Variants in NPAS3 observed in about 807,000 individuals in gnomAD.
NPAS3 encodes neuronal PAS domain protein 3.
Under a neutral mutation model 73.1 loss-of-function variants are expected in NPAS3, and 14 were observed. The ratio of observed to expected loss-of-function variants is 0.19; its 90% CI spans 0.13 to 0.30. The LOEUF (loss-of-function observed/expected upper bound fraction) is 0.30, where lower values mean the gene tolerates loss of function less well. NPAS3 is among the 10% of genes least tolerant of loss of function. NPAS3 has a pLI of 1.00. For synonymous variants in NPAS3, 620 were observed against 541.5 expected, an observed-to-expected ratio of 1.14 and a Z score of -2.01; for missense variants, 1,096 against 1,250.0, an observed-to-expected ratio of 0.88 and a Z score of 1.86.
At chr14:33,195,261 TTTTTG>T (rs1025082758) in intron 2 of NPAS3, among the ~76,000 whole-genome samples, 9 of 152,132 alleles carry the variant, frequency 5.9e-5, no homozygotes, top group Non-Finnish European at 1.0e-4. Flanking sequence ...AAAGGGTTTT[TTTTTG>T]TTTTGTTTTC....
intron 2 of NPAS3, among the ~76,000 whole-genome samples, chr14:33,177,793 T>C (rs2045647478): frequency 6.6e-6 from 1 of 152,246 alleles, no homozygotes; most frequent in Non-Finnish European, 1.5e-5. Flanking sequence ...GTACCCTTGT[T>C]GAAAATCAAT....
chr14:33,210,485 C>T (rs10141248), intron 2 of NPAS3, among the ~76,000 whole-genome samples: 31,968 of 152,090 alleles, frequency 0.21, 3,823 homozygotes, highest in South Asian at 0.38. Flanking sequence ...CACTTCTGGG[C>T]ACCACTTGTC....
chr14:33,225,618 T>A (rs2047601029), intron 3 of NPAS3, among the ~76,000 whole-genome samples: 1 of 152,230 alleles, frequency 6.6e-6, no homozygotes, highest in Non-Finnish European at 1.5e-5. Context: ...TAAAACTTTA[T>A]TTGTGGACAT....
intron 6 of NPAS3, among the ~76,000 whole-genome samples, chr14:33,705,215 C>T (rs2060624143): frequency 6.6e-6 from 1 of 152,144 alleles, no homozygotes; most frequent in Admixed American, 6.5e-5. Flanking sequence ...TTTCACCTAC[C>T]AGGAGGGAAA....
At chr14:33,107,802 A>G (rs1204145221) in intron 2 of NPAS3, among the ~76,000 whole-genome samples, 2 of 152,180 alleles carry the variant, frequency 1.3e-5, no homozygotes, top group African/African-American at 2.4e-5. Flanking sequence ...ATTCTCTTAT[A>G]TTGACACTTC....
At chr14:33,656,124 CTA>C (rs2059139280) in intron 5 of NPAS3, among the ~76,000 whole-genome samples, 1 of 152,136 alleles carries the variant, frequency 6.6e-6, no homozygotes, top group Non-Finnish European at 1.5e-5. Context: ...CTTTCCACAA[CTA>C]GACCTACTTG....
At position 33,521,277 on chromosome 14, in the gene NPAS3, T is replaced by C. The variant is rs59100934; in HGVS notation, c.469-38844T>C. On this transcript the variant is annotated intron_variant, in intron 4 of 11. Coordinates refer to ENST00000356141, the Ensembl canonical transcript of NPAS3. Reference sequence around the variant, plus strand: ...TTCCTTGAGGAGGTGTCAAGGGCAATACAGACAAAAGACTGATGTCTCCTT... The same window carrying C: ...TTCCTTGAGGAGGTGTCAAGGGCAACACAGACAAAAGACTGATGTCTCCTT... 6.3e-3 allele frequency among the ~76,000 whole-genome samples: 956 copies of C among 152,214 alleles called. 12 individuals carry two copies. Among genetic ancestry groups the C allele is most frequent in the African/African-American group, 0.022 (916 of 41,554 alleles).
At chr14:33,573,603 C>T (rs1167370392) in intron 5 of NPAS3, among the ~76,000 whole-genome samples, 1 of 152,078 alleles carries the variant, frequency 6.6e-6, no homozygotes, top group Non-Finnish European at 1.5e-5. Context: ...CAAAGGGAGG[C>T]ATGTATGCAA....
intron 1 of NPAS3, among the ~76,000 whole-genome samples, chr14:33,046,962 A>G (rs1223850642): frequency 6.6e-6 from 1 of 152,166 alleles, no homozygotes; most frequent in African/African-American, 2.4e-5. Flanking sequence ...TGACAGAGTG[A>G]GACTCCATCT....
At chr14:33,344,845 G>A (rs982125148) in intron 3 of NPAS3, among the ~76,000 whole-genome samples, 2 of 152,292 alleles carry the variant, frequency 1.3e-5, no homozygotes, top group South Asian at 4.1e-4. Flanking sequence ...TTAATGCCAT[G>A]ATGCAAAGCC....
At chr14:33,668,984 T>A (rs1250001333) in intron 5 of NPAS3, among the ~76,000 whole-genome samples, 1 of 152,332 alleles carries the variant, frequency 6.6e-6, no homozygotes, top group East Asian at 1.9e-4. Context: ...CGGCTATGCA[T>A]AACACTCATC....
intron 5 of NPAS3, among the ~76,000 whole-genome samples, chr14:33,560,985 A>G (rs1368160906): frequency 2.0e-5 from 3 of 152,192 alleles, no homozygotes. Flanking sequence ...AAAAATGCTG[A>G]ACATCTGGGT....
chr14:33,626,193 A>C (rs2058213530), intron 5 of NPAS3, among the ~76,000 whole-genome samples: 1 of 152,212 alleles, frequency 6.6e-6, no homozygotes, highest in Non-Finnish European at 1.5e-5. Context: ...AATGAAAATG[A>C]ATACGAATCT....
At chr14:33,440,630 C>T (rs756467833) in intron 4 of NPAS3, among the ~76,000 whole-genome samples, 6 of 152,302 alleles carry the variant, frequency 3.9e-5, no homozygotes, top group African/African-American at 9.6e-5. Context: ...TGGTGGCTCA[C>T]GCCTGTAATC....
chr14:33,341,458 A>T (rs1379649665), intron 3 of NPAS3, among the ~76,000 whole-genome samples: 3 of 152,078 alleles, frequency 2.0e-5, no homozygotes, highest in Admixed American at 2.0e-4. Context: ...TTTATTTTTT[A>T]TTTTTTTAAA....
chr14:33,527,631 T>G (rs1412816139), intron 4 of NPAS3, among the ~76,000 whole-genome samples: 1 of 152,142 alleles, frequency 6.6e-6, no homozygotes, highest in East Asian at 1.9e-4. Flanking sequence ...TCACATCTCA[T>G]GTGAAAATCA....
intron 2 of NPAS3, among the ~76,000 whole-genome samples, chr14:33,057,363 A>ACAATT (rs2040928263): frequency 6.6e-6 from 1 of 152,104 alleles, no homozygotes; most frequent in Admixed American, 6.6e-5. Flanking sequence ...CTTGGTGGCC[A>ACAATT]GGTTTCTGTA....
At chr14:33,284,340 A>T (rs752647403) in intron 3 of NPAS3, among the ~76,000 whole-genome samples, 2 of 151,304 alleles carry the variant, frequency 1.3e-5, no homozygotes, top group Non-Finnish European at 1.5e-5. Flanking sequence ...TTTTTTTTTT[A>T]AAGATTCTTA....
intron 1 of NPAS3, among the ~76,000 whole-genome samples, chr14:33,031,759 C>T (rs944199507): frequency 2.0e-5 from 3 of 152,246 alleles, no homozygotes; most frequent in African/African-American, 7.2e-5. Context: ...GCCTTGGCTT[C>T]CCAAAATGCT....
Sources: gnomAD v4.1 joint callset for allele counts (sites outside exome capture counted in the v4.1 genomes callset) on GRCh38, gnomAD v4.1.1 for gene constraint, MANE v1.5 for transcripts, NCBI Gene and HGNC (gene_info 2026-07-23, HGNC 2026-07-21) for gene names.